SBF2: variants seen among roughly 807,000 people sequenced by gnomAD.
The protein encoded by SBF2 is myotubularin-related protein 13.
Under a neutral mutation model 225.2 loss-of-function variants are expected in SBF2, and 112 were observed. The ratio of observed to expected loss-of-function variants is 0.50; its 90% confidence interval spans 0.43 to 0.58. The LOEUF (loss-of-function observed/expected upper bound fraction) is 0.58, where lower values mean the gene tolerates loss of function less well. Ranked by LOEUF, SBF2 falls within the 20% of genes least tolerant of loss-of-function variation. SBF2 has a pLI of 0.00. For synonymous variants in SBF2, 763 were observed against 773.3 expected (o/e 0.99, Z 0.22); for missense variants, 1,996 against 2,206.2 (o/e 0.90, Z 1.91).
intron 13 of SBF2, among the ~76,000 whole-genome samples, chr11:9,974,080 T>A (rs910503275): frequency 1.3e-5 from 2 of 152,216 alleles, no homozygotes; most frequent in Non-Finnish European, 2.9e-5. Flanking sequence ...TAGAGTTGCC[T>A]GGTAGTGTAC....
chr11:10,003,130 T>C (rs1249684573), intron 6 of SBF2, among the ~76,000 whole-genome samples: 2 of 152,212 alleles, frequency 1.3e-5, no homozygotes, highest in African/African-American at 2.4e-5. Context: ...GTAAACAGCA[T>C]ACACAAATGC....
intron 17 of SBF2, among the ~76,000 whole-genome samples, chr11:9,891,009 A>C (rs1449556582): frequency 6.6e-6 from 1 of 152,022 alleles, no homozygotes; most frequent in African/African-American, 2.4e-5. Flanking sequence ...GGTGGTGGGC[A>C]CCTGTAATCC....
At chr11:10,106,862 TGAA>T (rs1387323577) in intron 2 of SBF2, among the ~76,000 whole-genome samples, 1 of 151,924 alleles carries the variant, frequency 6.6e-6, no homozygotes, top group East Asian at 1.9e-4. Context: ...GCCAAAGAAT[TGAA>T]GAAGTACTTC....
chr11:9,822,343 C>T (rs1854806863), intron 28 of SBF2, among the ~76,000 whole-genome samples: 1 of 150,702 alleles, frequency 6.6e-6, no homozygotes, highest in Admixed American at 6.6e-5. Context: ...TCACTGCAAG[C>T]TCCGCCTCCC....
At chr11:10,083,101 CA>C (rs1181313779) in intron 2 of SBF2, among the ~76,000 whole-genome samples, 1 of 151,984 alleles carries the variant, frequency 6.6e-6, no homozygotes, top group Non-Finnish European at 1.5e-5. Context: ...AACTGAGAAC[CA>C]AATCAAGAAG....
chr11:10,209,671 T>C (rs1404576991), intron 1 of SBF2, among the ~76,000 whole-genome samples: 1 of 152,056 alleles, frequency 6.6e-6, no homozygotes, highest in Non-Finnish European at 1.5e-5. Context: ...TTTTCTATTA[T>C]TTCTATAAAA....
chr11:9,854,808 C>G (rs1452205630), intron 19 of SBF2, among the ~76,000 whole-genome samples: 2 of 152,098 alleles, frequency 1.3e-5, no homozygotes. Context: ...CCAGGCTGGT[C>G]TTGAATTCCT....
intron 34 of SBF2, 120 bp from the exon 35 acceptor site, chr11:9,789,462 T>C (rs1345008674): frequency 1.5e-6 from 1 of 679,036 alleles, no homozygotes; most frequent in Non-Finnish European, 2.6e-6. Context: ...GGAGTTCAAA[T>C]ACCATATTTC....
chr11:10,059,054 C>T (rs1264940479), intron 2 of SBF2, among the ~76,000 whole-genome samples: 1 of 152,176 alleles, frequency 6.6e-6, no homozygotes, highest in Non-Finnish European at 1.5e-5. Context: ...AATACAAAAA[C>T]ACACTTAAAC....
At chr11:10,233,495 G>A (rs1171688179) in intron 1 of SBF2, among the ~76,000 whole-genome samples, 1 of 150,130 alleles carries the variant, frequency 6.7e-6, no homozygotes, top group African/African-American at 2.5e-5. Flanking sequence ...AGATCTCTAA[G>A]CTTAAAAGTA....
chr11:9,862,104 T>G (rs567374551), intron 17 of SBF2, among the ~76,000 whole-genome samples: 6 of 152,230 alleles, frequency 3.9e-5, no homozygotes, highest in African/African-American at 1.4e-4. Context: ...ACAGAGAAAA[T>G]AAGTGCCTGC....
intron 1 of SBF2, among the ~76,000 whole-genome samples, chr11:10,259,158 A>G (rs1254269711): frequency 6.6e-6 from 1 of 152,212 alleles, no homozygotes; most frequent in Non-Finnish European, 1.5e-5. Context: ...AGGAGAGTTT[A>G]ATTTCCTTGT....
rs558526265 is a variant in SBF2 at position 10,174,617 on chromosome 11, T to C, written c.141+19285A>G. On this transcript the variant is annotated intron_variant, in intron 2 of 39. Coordinates refer to ENST00000256190, the MANE Select transcript of SBF2 (RefSeq NM_030962.4). ...ATATCATCCAGGAGAACTTCCCCAA[T>C]GTAGCAAGGCAGGCCAACATTCAAA... Among the ~76,000 whole-genome samples the C allele has an allele frequency of 5.3e-3, 805 of 152,188 alleles. 8 individuals are homozygous for C. The highest frequency in any genetic ancestry group is 0.018 in the African/African-American group (754 of 41,510).
chr11:9,862,817 A>G (rs929714060), intron 17 of SBF2, among the ~76,000 whole-genome samples: 3 of 152,158 alleles, frequency 2.0e-5, no homozygotes, highest in Non-Finnish European at 1.5e-5. Context: ...CTTTCCCAAG[A>G]CAAGATGGTT....
At chr11:10,280,076 T>C (rs1159128685) in intron 1 of SBF2, among the ~76,000 whole-genome samples, 2 of 151,976 alleles carry the variant, frequency 1.3e-5, no homozygotes, top group South Asian at 2.1e-4. Context: ...TACTTACTGG[T>C]TGAGCATCCC....
At chr11:9,868,391 G>A (rs1274797936) in intron 17 of SBF2, among the ~76,000 whole-genome samples, 8 of 147,060 alleles carry the variant, frequency 5.4e-5, no homozygotes, top group East Asian at 4.0e-4. Flanking sequence ...GGTGGCGGGC[G>A]CCTGTAGTCC....
intron 25 of SBF2, among the ~76,000 whole-genome samples, chr11:9,839,958 T>G (rs1167232228): frequency 6.6e-6 from 1 of 152,188 alleles, no homozygotes. Context: ...CCTTTTGGGC[T>G]GGGTGTGGTG....
In SBF2 at chr11:9,880,661, C is replaced by T. The variant is rs771757492; in HGVS notation, c.1929+15282G>A. 9.9e-5 allele frequency among the ~76,000 whole-genome samples: 15 copies of T among 152,208 alleles called. 1 individual carries two copies. Among genetic ancestry groups the T allele is most frequent in the Non-Finnish European group, 1.8e-4 (12 of 68,040 alleles). ...CTCTAGTTTGTTTCTGAAACAATCA[C>T]GTCACTGCCCTACTCAAGAGTATGG... On this transcript the variant is annotated intron_variant, in intron 17 of 39. Transcript: ENST00000256190.
chr11:10,007,157 C>A (rs1042285253), intron 6 of SBF2, among the ~76,000 whole-genome samples: 4 of 152,090 alleles, frequency 2.6e-5, no homozygotes, highest in Admixed American at 1.3e-4. Flanking sequence ...GTGAAAAGGG[C>A]GTACCGAAGT....
Sources: gnomAD v4.1 joint callset for allele counts (sites outside exome capture counted in the v4.1 genomes callset) on GRCh38, gnomAD v4.1.1 for gene constraint, MANE v1.5 for transcripts, NCBI Gene and HGNC (gene_info 2026-07-23, HGNC 2026-07-21) for gene names.